Variants in ATG12 observed in about 807,000 individuals in gnomAD.
The protein encoded by ATG12 is autophagy related 12.
Under a neutral mutation model 17.6 loss-of-function variants are expected in ATG12, and 19 were observed. The observed-to-expected ratio is 1.08, with a 90% CI of 0.75 to 1.58. The LOEUF (loss-of-function observed/expected upper bound fraction) is 1.58, where lower values mean the gene tolerates loss of function less well. Ranked by LOEUF, ATG12 falls within the 40% of genes most tolerant of loss-of-function variation. ATG12 has a pLI of 0.00. For missense variants in ATG12, 214 were observed against 162.0 expected (o/e 1.32, Z -1.74); for synonymous variants, 75 against 62.4 (o/e 1.20, Z -0.95).
chr5:115,837,852 T>C, intron 1 of ATG12, 88 bp from the exon 2 acceptor site: 2 of 1,089,074 alleles, frequency 1.8e-6, no homozygotes, highest in Non-Finnish European at 2.5e-6. Flanking sequence ...CAGAAATATT[T>C]AATCTACATC....
chr5:115,830,167 A>C lies in ATG12; in HGVS notation c.*1637T>G, dbSNP rs1006473845. Reference sequence around the variant, plus strand: ...AAGTGCAAAGTCCTATGTATTCTTCAGAGTTGTTAGGAAAGAAAACAAATA... The same window carrying C: ...AAGTGCAAAGTCCTATGTATTCTTCCGAGTTGTTAGGAAAGAAAACAAATA... On this transcript the variant is annotated 3_prime_UTR_variant, in exon 4 of 4. Transcript: ENST00000509910. 1 of 151,090 alleles carries C rather than the reference A, an allele frequency of 6.6e-6. No homozygotes were observed. The highest frequency in any genetic ancestry group is 1.5e-5 in the Non-Finnish European group (1 of 67,840). 9.4% of individuals were successfully genotyped at this position (151,090 alleles called of 1,614,324 possible). A position where few individuals can be genotyped will look rare whatever the true frequency, so the allele number is the denominator to read the frequency against.
intron 2 of ATG12, 174 bp from the exon 3 acceptor site, chr5:115,832,838 T>A: frequency 1.8e-6 from 1 of 545,226 alleles, no homozygotes; most frequent in Non-Finnish European, 3.1e-6. Flanking sequence ...AAGATCTCAT[T>A]TTTCCTCCAG....
chr5:115,839,959 C>T (rs1319076422), intron 1 of ATG12, among the ~76,000 whole-genome samples: 3 of 152,180 alleles, frequency 2.0e-5, no homozygotes, highest in African/African-American at 2.4e-5. Context: ...AATATGCCCT[C>T]GGGCAATATT....
chr5:115,833,942 A>C (rs1760990563), intron 2 of ATG12: 1 of 152,218 alleles, frequency 6.6e-6, no homozygotes, highest in African/African-American at 2.4e-5. Flanking sequence ...ACATGGAACT[A>C]TGAAGATTAA....
rs1441483152 is a variant in ATG12, at chr5:115,829,640, T to C, written c.*2164A>G. 1 of 152,150 alleles carries C rather than the reference T, an allele frequency of 6.6e-6. No individual in the cohort carries two copies. The highest frequency in any genetic ancestry group is 1.5e-5 in the Non-Finnish European group (1 of 68,028). The allele number at this position is 152,150 out of a possible 1,614,324, so 9.4% of individuals were successfully genotyped here. ...TTTAAAATATCACCTGAATGTTCAG[T>C]TTTTCCCCCAAGTTTAATCAGACTT... On this transcript the variant is annotated 3_prime_UTR_variant, in exon 4 of 4. Transcript: ENST00000509910.
chr5:115,841,151 T>C (rs1761435856), intron 1 of ATG12: 2 of 401,440 alleles, frequency 5.0e-6, no homozygotes, highest in African/African-American at 4.8e-5. Context: ...AAAAATACAG[T>C]ATAAAAATAA....
intron 2 of ATG12, chr5:115,833,514 G>C (rs1022595800): frequency 2.0e-5 from 3 of 152,002 alleles, no homozygotes; most frequent in Admixed American, 6.6e-5. Flanking sequence ...AGACACACCT[G>C]GGTTTGAATC....
At chr5:115,840,063 G>A (rs1030470930) in intron 1 of ATG12, among the ~76,000 whole-genome samples, 2 of 152,140 alleles carry the variant, frequency 1.3e-5, no homozygotes. Context: ...ACCTTAAAAC[G>A]AATCTCCGAA....
intron 2 of ATG12, 187 bp from the exon 3 acceptor site, chr5:115,832,851 G>A (rs1388736942): frequency 6.1e-6 from 3 of 489,128 alleles, no homozygotes; most frequent in African/African-American, 4.0e-5. Flanking sequence ...TCCTCCAGAG[G>A]AATAAAAATA....
chr5:115,837,469 C>CAA (rs374936764), intron 2 of ATG12, among the ~76,000 whole-genome samples, 159 bp downstream of exon 2: 2 of 126,852 alleles, frequency 1.6e-5, no homozygotes, highest in Middle Eastern at 3.8e-3. Flanking sequence ...GAGACTGTCT[C>CAA]AAAAAAAAAA....
At position 115,839,898 on chromosome 5, in the gene ATG12, C is replaced by A. The variant is rs1032476711; in HGVS notation, c.163+1492G>T. 1.7e-4 allele frequency among the ~76,000 whole-genome samples: 26 copies of A among 152,216 alleles called. 1 individual carries two copies. Among genetic ancestry groups the A allele is most frequent in the Admixed American group, 1.6e-3 (24 of 15,278 alleles). On this transcript the variant is annotated intron_variant, in intron 1 of 3. Coordinates refer to ENST00000509910, the MANE Select transcript of ATG12 (RefSeq NM_004707.4). ...AACAAGAGCCAGAAAATAAAAATCT[C>A]ATCCTTAAATGACAGTTCAATTTGC...
intron 3 of ATG12, 31 bp downstream of exon 3, chr5:115,832,571 C>CTTTTTTTTTTTTTTT: frequency 1.2e-6 from 1 of 800,616 alleles, no homozygotes; most frequent in Non-Finnish European, 1.6e-6. Flanking sequence ...TAATTTCTTT[C>CTTTTTTTTTTTTTTT]TTTTTTTTTT....
chr5:115,840,823 T>G, intron 1 of ATG12: 1 of 1,234,688 alleles, frequency 8.1e-7, no homozygotes, highest in Non-Finnish European at 1.0e-6. Context: ...CTCACAAAGG[T>G]TCCAAAATGT....
intron 1 of ATG12, chr5:115,839,333 C>T (rs1761233243): frequency 7.9e-6 from 1 of 126,900 alleles, no homozygotes; most frequent in South Asian, 2.4e-4. Context: ...CTTTATCTTC[C>T]TACTAAAGAA....
intron 2 of ATG12, among the ~76,000 whole-genome samples, chr5:115,836,470 CCT>C (rs1375688690): frequency 2.0e-5 from 3 of 152,180 alleles, no homozygotes; most frequent in Non-Finnish European, 4.4e-5. Flanking sequence ...TCCTCATTCC[CCT>C]GACTTTTCCA....
At chr5:115,840,280 G>T (rs1347003396) in intron 1 of ATG12, among the ~76,000 whole-genome samples, 1 of 151,126 alleles carries the variant, frequency 6.6e-6, no homozygotes, top group Admixed American at 6.6e-5. Context: ...TGAAGAAAAA[G>T]CAATGAGACC....
In ATG12 at chr5:115,836,324, T is replaced by C. The variant is rs117738509; in HGVS notation, c.300+1304A>G. On this transcript the variant is annotated intron_variant, in intron 2 of 3. Transcript: ENST00000509910. ...TCAAGACTCTTAACACAGAACACAG[T>C]ATCATTTCATTTTTCTTAAATCTCC... Among the ~76,000 whole-genome samples, 547 of 152,312 alleles carry C rather than the reference T, an allele frequency of 3.6e-3. 21 individuals carry two copies. The East Asian group carries it at 0.089, about 25-fold the overall frequency.
intron 2 of ATG12, among the ~76,000 whole-genome samples, chr5:115,837,076 T>C (rs568753310): frequency 9.8e-5 from 15 of 152,364 alleles, no homozygotes; most frequent in East Asian, 3.9e-4. Context: ...TGCTCTATGA[T>C]AGATTTTTAT....
In ATG12 at chr5:115,831,589, T is replaced by C; in HGVS notation, c.*215A>G. On this transcript the variant is annotated 3_prime_UTR_variant, in exon 4 of 4. Transcript: ENST00000509910. ...AGTAGGAGCAATGGGTGTACTATCA[T>C]GACCATCTTTTATGATGACTGGTGC... 1.7e-6 allele frequency: 1 copy of C among 605,508 alleles called. No individual in the cohort carries two copies. The allele number at this position is 605,508 out of a possible 1,614,324, so 37.5% of individuals were successfully genotyped here. A position where few individuals can be genotyped will look rare whatever the true frequency, so the allele number is the denominator to read the frequency against.
Sources: allele counts gnomAD v4.1 joint callset (sites outside exome capture counted in the v4.1 genomes callset), GRCh38; gene constraint gnomAD v4.1.1; transcripts MANE v1.5; gene names NCBI Gene and HGNC (gene_info 2026-07-23, HGNC 2026-07-21).